ADGRA3: variants seen among roughly 807,000 people sequenced by gnomAD.
ADGRA3 encodes the protein G-protein coupled receptor 125.
A neutral mutation model predicts 119.8 loss-of-function variants in ADGRA3; 56 were observed. The observed-to-expected ratio is 0.47, with a 90% CI of 0.38 to 0.58. The LOEUF is 0.58. Ranked by LOEUF, ADGRA3 falls within the 20% of genes least tolerant of loss-of-function variation. ADGRA3 has a pLI of 0.00. For synonymous variants in ADGRA3, 607 were observed against 623.8 expected (o/e 0.97, Z 0.40); for missense variants, 1,516 against 1,649.0 (o/e 0.92, Z 1.40).
At chr4:22,500,640 T>C (rs1356357386) in intron 1 of ADGRA3, among the ~76,000 whole-genome samples, 1 of 152,072 alleles carries the variant, frequency 6.6e-6, no homozygotes, top group African/African-American at 2.4e-5. Flanking sequence ...AGCAAGACAA[T>C]AACAACAACA....
At chr4:22,418,561 T>C (rs2109030947) in intron 12 of ADGRA3, among the ~76,000 whole-genome samples, 1 of 152,054 alleles carries the variant, frequency 6.6e-6, no homozygotes, top group East Asian at 1.9e-4. Flanking sequence ...AAGTTTGCTG[T>C]TGCTGGATAA....
intron 10 of ADGRA3, among the ~76,000 whole-genome samples, chr4:22,434,945 C>T (rs1716334512): frequency 6.6e-6 from 1 of 152,186 alleles, no homozygotes; most frequent in Non-Finnish European, 1.5e-5. Context: ...GTGACTAAAA[C>T]TCCCGTTACA....
chr4:22,487,411 T>C (rs1718468099), intron 1 of ADGRA3, among the ~76,000 whole-genome samples: 1 of 152,178 alleles, frequency 6.6e-6, no homozygotes, highest in Non-Finnish European at 1.5e-5. Flanking sequence ...ATAGGGTTCA[T>C]ACTCCTGTGA....
chr4:22,468,494 C>T (rs543296657), intron 2 of ADGRA3, among the ~76,000 whole-genome samples: 45 of 152,166 alleles, frequency 3.0e-4, no homozygotes, highest in Non-Finnish European at 4.9e-4. Flanking sequence ...GGACTCGGTG[C>T]GGTGGTTCAC....
intron 2 of ADGRA3, among the ~76,000 whole-genome samples, chr4:22,465,158 A>G (rs754918115): frequency 3.3e-5 from 5 of 152,192 alleles, no homozygotes; most frequent in Non-Finnish European, 5.9e-5. Flanking sequence ...TAATAACACT[A>G]TAATTATTGC....
In ADGRA3 at chr4:22,413,643, T is replaced by G. The variant is rs1227494906; in HGVS notation, c.1981A>C (p.Lys661Gln). Residue 661 changes from lysine to glutamine, a missense_variant, in exon 13 of 19, where the codon AAA becomes CAA. By Grantham distance (53) the Lys-to-Gln change is moderately conservative. Around this residue, in one of 2 missense-constraint regions of ADGRA3, gnomAD observed 1,088 missense variants for 1,107.1 expected, o/e 0.98. Coordinates refer to ENST00000334304, the MANE Select transcript of ADGRA3 (RefSeq NM_145290.4). Reference sequence around the variant, plus strand: ...ACAGGGGTAACCACAGTACGTCGTTTTCCATCATCAGCCAAATTTGTTGAA... The same window carrying G: ...ACAGGGGTAACCACAGTACGTCGTTGTCCATCATCAGCCAAATTTGTTGAA... ...GNSTNLADDG[K>Q]RRTVVTPVIL... 5.0e-6 allele frequency: 8 copies of G among 1,613,902 alleles called. No homozygotes were observed.
intron 1 of ADGRA3, among the ~76,000 whole-genome samples, chr4:22,483,805 T>C (rs1718328454): frequency 6.6e-6 from 1 of 152,186 alleles, no homozygotes; most frequent in African/African-American, 2.4e-5. Flanking sequence ...TTGCATATGC[T>C]ACGACAGTCA....
At chr4:22,432,300 A>AG (rs1716210408) in intron 10 of ADGRA3, among the ~76,000 whole-genome samples, 1 of 152,120 alleles carries the variant, frequency 6.6e-6, no homozygotes, top group Non-Finnish European at 1.5e-5. Context: ...AATGGCAGGG[A>AG]GGGGGAACTC....
chr4:22,513,143 C>CTT (rs142313161), intron 1 of ADGRA3, among the ~76,000 whole-genome samples: 1,410 of 133,468 alleles, frequency 0.011, 23 homozygotes, highest in African/African-American at 0.029. Flanking sequence ...CAACTTTCCT[C>CTT]TTTTTTTTTT....
At chr4:22,432,978 C>T (rs1226041623) in intron 10 of ADGRA3, among the ~76,000 whole-genome samples, 2 of 152,268 alleles carry the variant, frequency 1.3e-5, no homozygotes, top group South Asian at 2.1e-4. Context: ...TAATTTTATG[C>T]TGTGGTAATT....
chr4:22,498,616 CA>C (rs1490289932), intron 1 of ADGRA3, among the ~76,000 whole-genome samples: 2 of 146,236 alleles, frequency 1.4e-5, no homozygotes, highest in Non-Finnish European at 3.0e-5. Flanking sequence ...CACACCGTCC[CA>C]AAAAAGAAAA....
At chr4:22,462,470 T>C (rs1385085009) in intron 2 of ADGRA3, among the ~76,000 whole-genome samples, 1 of 152,056 alleles carries the variant, frequency 6.6e-6, no homozygotes, top group Non-Finnish European at 1.5e-5. Context: ...CCTGTCACCA[T>C]ACCCGGCTAA....
Position 22,455,870 on chromosome 4 carries a change from C to T in ADGRA3, c.402-933G>A, listed in dbSNP as rs145300227. 5 of 1,246,894 alleles carry T rather than the reference C, an allele frequency of 4.0e-6. No individual in the cohort carries two copies. In the East Asian group the frequency reaches 2.8e-4, roughly 70 times the overall value. The allele number at this position is 1,246,894 out of a possible 1,614,324, so 77.2% of individuals were successfully genotyped here. ...GGACTTAGCCCTATGCAAGAAAACC[C>T]TAAAACAATGAATCTTAAGTTTTAT... is the stretch of plus-strand genomic sequence containing the variant. On this transcript the variant is annotated intron_variant, in intron 3 of 18. Transcript: ENST00000334304.
rs1257066145 is a variant in ADGRA3 at position 22,396,717 on chromosome 4, G to C, written c.2482-4027C>G. On this transcript the variant is annotated intron_variant, in intron 16 of 18. Transcript: ENST00000334304. ...ATGATGCTATGTCTTTCATCAAAGG[G>C]AAACACATTATAAACATAGAAGAGA... Among the ~76,000 whole-genome samples, 3 of 152,098 alleles carry C rather than the reference G, an allele frequency of 2.0e-5. No homozygotes were observed. In the East Asian group the frequency reaches 5.8e-4, roughly 30 times the overall value.
At chr4:22,465,867 G>A (rs1717639285) in intron 2 of ADGRA3, among the ~76,000 whole-genome samples, 1 of 152,148 alleles carries the variant, frequency 6.6e-6, no homozygotes, top group South Asian at 2.1e-4. Context: ...TTGAGTTGCT[G>A]GAGATAACTT....
intron 14 of ADGRA3, among the ~76,000 whole-genome samples, chr4:22,406,627 C>T (rs925775100): frequency 7.2e-5 from 11 of 152,104 alleles, no homozygotes; most frequent in African/African-American, 1.9e-4. Context: ...CTAGTCCGAT[C>T]GTTTGCCCAT....
intron 1 of ADGRA3, among the ~76,000 whole-genome samples, chr4:22,482,341 A>T (rs1718283329): frequency 6.6e-6 from 1 of 152,146 alleles, no homozygotes; most frequent in African/African-American, 2.4e-5. Context: ...CAGTGAATAT[A>T]CTCAATCATT....
intron 1 of ADGRA3, among the ~76,000 whole-genome samples, chr4:22,500,800 T>C (rs768258262): frequency 5.3e-5 from 8 of 152,126 alleles, no homozygotes; most frequent in African/African-American, 1.2e-4. Flanking sequence ...CTGAGTAAAG[T>C]AGATGATCCT....
chr4:22,464,933 C>T (rs1459293748), intron 2 of ADGRA3, among the ~76,000 whole-genome samples: 2 of 152,146 alleles, frequency 1.3e-5, no homozygotes, highest in Non-Finnish European at 2.9e-5. Flanking sequence ...CAAATCACTA[C>T]ACTGAAAGCT....
Sources: allele counts gnomAD v4.1 joint callset (sites outside exome capture counted in the v4.1 genomes callset), GRCh38; gene constraint gnomAD v4.1.1; regional missense constraint gnomAD v4.1.1; transcripts MANE v1.5; gene names NCBI Gene and HGNC (gene_info 2026-07-23, HGNC 2026-07-21).